The following CDIN1 variants were observed in gnomAD, a reference collection of about 807,000 sequenced individuals.
CDIN1 encodes the protein CDAN1 interacting nuclease 1.
In CDIN1, 33 loss-of-function variants were observed where a neutral mutation model predicts 45.3. The observed-to-expected ratio is 0.73, with a 90% CI of 0.55 to 0.97. The LOEUF is 0.97. Ranked by LOEUF, CDIN1 falls within the 50% of genes least tolerant of loss-of-function variation. The probability of loss-of-function intolerance (pLI) is 0.00; values close to 1 mark genes in which losing one functional copy is unlikely to be tolerated. For missense variants in CDIN1, 303 were observed against 339.4 expected (o/e 0.89, Z 0.84); for synonymous variants, 118 against 124.4 (o/e 0.95, Z 0.34).
chr15:36,645,355 G>A (rs2040274509), intron 3 of CDIN1, 68 bp downstream of exon 3: 3 of 1,262,666 alleles, frequency 2.4e-6, no homozygotes, highest in Admixed American at 5.1e-5. Context: ...TTATGAATAA[G>A]TTAGGTTATT....
At position 36,808,857 on chromosome 15, in the gene CDIN1, C is replaced by T; in HGVS notation, c.*404C>T. 2.2e-6 allele frequency: 1 copy of T among 456,310 alleles called. No individual in the cohort carries two copies. The highest frequency in any genetic ancestry group is 4.4e-6 in the Non-Finnish European group (1 of 227,020). The allele number at this position is 456,310 out of a possible 1,614,324, so 28.3% of individuals were successfully genotyped here. On this transcript the variant is annotated 3_prime_UTR_variant, in exon 11 of 11. Transcript: ENST00000566621. ...CTCTTATTTTTTTTTCCCTAAGCCT[C>T]CGTTCACTGTCTCTCCCTCTCCCTT...
chr15:36,788,092 ATATATATATATATATTTTTT>A (rs1209920933), intron 10 of CDIN1, among the ~76,000 whole-genome samples: 8 of 42,104 alleles, frequency 1.9e-4, no homozygotes, highest in East Asian at 6.7e-4. Flanking sequence ...ATATATATAT[ATATATATATATATATTTTTT>A]TTTTTTTTTT....
chr15:36,710,400 A>T (rs2043015216), intron 10 of CDIN1, among the ~76,000 whole-genome samples: 1 of 152,148 alleles, frequency 6.6e-6, no homozygotes. Context: ...AAGAATAGAG[A>T]ATAGTTTACC....
chr15:36,794,217 C>A (rs971218583), intron 10 of CDIN1, among the ~76,000 whole-genome samples: 3 of 151,968 alleles, frequency 2.0e-5, no homozygotes, highest in Non-Finnish European at 4.4e-5. Context: ...CGCCACCACG[C>A]CTGGCTAATT....
chr15:36,696,831 G>C (rs1012205350), intron 7 of CDIN1, among the ~76,000 whole-genome samples: 2 of 151,624 alleles, frequency 1.3e-5, no homozygotes, highest in African/African-American at 4.8e-5. Flanking sequence ...TATAGAAAAT[G>C]CTGGACACAG....
chr15:36,788,384 C>T (rs888492764), intron 10 of CDIN1, among the ~76,000 whole-genome samples: 7 of 151,250 alleles, frequency 4.6e-5, no homozygotes, highest in South Asian at 2.1e-4. Flanking sequence ...ACATCCAGCC[C>T]GATAATTATA....
At chr15:36,752,778 T>G (rs1010080899) in intron 10 of CDIN1, among the ~76,000 whole-genome samples, 5 of 152,216 alleles carry the variant, frequency 3.3e-5, no homozygotes, top group African/African-American at 1.2e-4. Context: ...CCAGTTTGGC[T>G]TCTCACTGAG....
Position 36,696,266 on chromosome 15 carries a change from ACT to A in CDIN1, c.477-1054_477-1053del, listed in dbSNP as rs1196512376. ...ATACGCATACACACACGAGAAAAAG[ACT>A]CTTGAAACAGCCTCTGTACCCACAC... is the stretch of plus-strand genomic sequence containing the variant. On this transcript the variant is annotated intron_variant, in intron 7 of 10. Coordinates refer to ENST00000566621, the MANE Select transcript of CDIN1 (RefSeq NM_001321759.2). The A allele has an allele frequency of 2.6e-5, 4 of 152,252 alleles. No homozygotes were observed. In the East Asian group the frequency reaches 5.8e-4, roughly 22 times the overall value. The allele number at this position is 152,252 out of a possible 1,614,324, so 9.4% of individuals were successfully genotyped here.
In CDIN1 at chr15:36,800,958, TC is replaced by T. The variant is rs1337113995; in HGVS notation, c.717-7365del. On this transcript the variant is annotated intron_variant, in intron 10 of 10. Coordinates refer to ENST00000566621, the MANE Select transcript of CDIN1 (RefSeq NM_001321759.2). The stretch of plus-strand genomic sequence containing the variant: ...ATATATATATATGATTCTCTGCTGT[TC>T]TTGTTTTAGAGAAGGAGTTTATTTC... Among the ~76,000 whole-genome samples, 14 of 132,232 alleles carry T rather than the reference TC, an allele frequency of 1.1e-4. No individual in the cohort carries two copies. In the East Asian group the frequency reaches 2.9e-3, roughly 28 times the overall value. The allele number at this position is 132,232 out of a possible 152,430, so 86.7% of individuals were successfully genotyped here.
intron 5 of CDIN1, chr15:36,658,429 A>T (rs1234674520): frequency 6.6e-6 from 1 of 152,260 alleles, no homozygotes; most frequent in African/African-American, 2.4e-5. Flanking sequence ...TGTCAACTGC[A>T]TGATTAAAAC....
At chr15:36,674,106 A>G (rs1031752192) in intron 5 of CDIN1, among the ~76,000 whole-genome samples, 1 of 152,168 alleles carries the variant, frequency 6.6e-6, no homozygotes, top group African/African-American at 2.4e-5. Context: ...TGTCTAATAA[A>G]GGCTCCTTAA....
At chr15:36,772,953 G>A (rs1223943629) in intron 10 of CDIN1, among the ~76,000 whole-genome samples, 1 of 152,164 alleles carries the variant, frequency 6.6e-6, no homozygotes, top group African/African-American at 2.4e-5. Flanking sequence ...AGTAGTAACA[G>A]TAATGCTTTG....
intron 10 of CDIN1, among the ~76,000 whole-genome samples, chr15:36,732,814 T>C (rs749786549): frequency 5.3e-5 from 8 of 152,034 alleles, no homozygotes. Flanking sequence ...TATTTTCTTA[T>C]CACCAGTATA....
In CDIN1 at chr15:36,809,552, C is replaced by T. The variant is rs950087572; in HGVS notation, c.*1099C>T. 6 of 152,008 alleles carry T rather than the reference C, an allele frequency of 3.9e-5. No homozygotes were observed. Among genetic ancestry groups the T allele is most frequent in the African/African-American group, 1.2e-4 (5 of 41,392 alleles). The allele number at this position is 152,008 out of a possible 1,614,324, so 9.4% of individuals were successfully genotyped here. On this transcript the variant is annotated 3_prime_UTR_variant, in exon 11 of 11. Transcript: ENST00000566621. ...CTGCAAATCAGATTTCAGTCTAAAG[C>T]GAAACATCAGTAAGTTAATAATAAA...
intron 5 of CDIN1, among the ~76,000 whole-genome samples, chr15:36,662,319 C>T (rs2041047060): frequency 6.6e-6 from 1 of 152,078 alleles, no homozygotes; most frequent in South Asian, 2.1e-4. Flanking sequence ...GTGTATAATC[C>T]CTGCCTCCAC....
At chr15:36,594,834 A>T in intron 1 of CDIN1, 1 of 960,752 alleles carries the variant, frequency 1.0e-6, no homozygotes, top group Non-Finnish European at 1.2e-6. Flanking sequence ...TTTTTTTAGC[A>T]TTTCAAGAAG....
chr15:36,603,520 G>A (rs59218179), intron 1 of CDIN1, among the ~76,000 whole-genome samples: 3,194 of 152,260 alleles, frequency 0.021, 99 homozygotes, highest in South Asian at 0.1. Context: ...TTTTCTGGTG[G>A]TAGTGATGGA....
chr15:36,778,131 G>GTTA (rs2054265745), intron 10 of CDIN1, among the ~76,000 whole-genome samples: 1 of 152,178 alleles, frequency 6.6e-6, no homozygotes, highest in South Asian at 2.1e-4. Flanking sequence ...CTTAGACTGA[G>GTTA]TATAAGACCT....
chr15:36,618,537 A>T (rs1697275084), intron 1 of CDIN1: 1 of 1,151,576 alleles, frequency 8.7e-7, no homozygotes, highest in East Asian at 2.3e-5. Flanking sequence ...CAAATTTTCC[A>T]CCTTTACCTG....
Sources: allele counts gnomAD v4.1 joint callset (sites outside exome capture counted in the v4.1 genomes callset), GRCh38; gene constraint gnomAD v4.1.1; transcripts MANE v1.5; gene names NCBI Gene and HGNC (gene_info 2026-07-23, HGNC 2026-07-21).